TSPAN17: variants seen among roughly 807,000 people sequenced by gnomAD.
TSPAN17 encodes tetraspanin-17.
Under a neutral mutation model 40.5 loss-of-function variants are expected in TSPAN17, and 33 were observed. That is an observed-to-expected ratio of 0.81 (90% confidence interval 0.62 to 1.09). The LOEUF is 1.09. Ranked by LOEUF, TSPAN17 falls within the 50% of genes least tolerant of loss-of-function variation. TSPAN17 has a pLI of 0.00. For missense variants in TSPAN17, 365 were observed against 416.8 expected (o/e 0.88, Z 1.08); for synonymous variants, 166 against 169.4 (o/e 0.98, Z 0.15).
intron 5 of TSPAN17, 84 bp from the exon 6 acceptor site, chr5:176,655,993 AG>A (rs762476446): frequency 4.9e-4 from 634 of 1,300,804 alleles, no homozygotes; most frequent in Admixed American, 6.4e-4. Flanking sequence ...TCCTCTGAGA[AG>A]GAAAAGCCAC....
intron 7 of TSPAN17, 26 bp from the exon 8 acceptor site, chr5:176,656,869 C>T (rs1239065412): frequency 1.2e-6 from 2 of 1,614,220 alleles, no homozygotes; most frequent in South Asian, 1.1e-5. Flanking sequence ...CCCTCACTCT[C>T]CCCTCACCTG....
chr5:176,652,627 G>A (rs1464985470), intron 3 of TSPAN17, 116 bp from the exon 4 acceptor site: 7 of 929,398 alleles, frequency 7.5e-6, no homozygotes, highest in African/African-American at 1.7e-5. Flanking sequence ...GGCTCTGGGC[G>A]CCTCTGGGTC....
rs1049107890 is a variant in TSPAN17, at chr5:176,654,243, C to G, written c.457-652C>G. 3 of 153,006 alleles carry G rather than the reference C, an allele frequency of 2.0e-5. No homozygotes were observed. Among genetic ancestry groups the G allele is most frequent in the South Asian group, 2.1e-4 (1 of 4,842 alleles). The allele number at this position is 153,006 out of a possible 1,614,324, so 9.5% of individuals were successfully genotyped here. On this transcript the variant is annotated intron_variant, in intron 4 of 8. Transcript: ENST00000508164. This position sits in a 1 kb window ranked among gnomAD's most constrained non-coding sequence, Gnocchi z 4.3. ...CTGTGTCTGCTGCCGAGCTTGAGCT[C>G]CCCCAGCCCTGTGGGCTGCTCTCCA... is the stretch of plus-strand genomic sequence containing the variant.
chr5:176,656,883 T>C lies in TSPAN17; in HGVS notation c.748-12T>C, dbSNP rs1458363900. The C allele has an allele frequency of 6.2e-7, 1 of 1,614,196 alleles. No individual in the cohort carries two copies. The highest frequency in any genetic ancestry group is 8.5e-7 in the Non-Finnish European group (1 of 1,180,036). On this transcript the variant is annotated splice_polypyrimidine_tract_variant and intron_variant, in intron 7 of 8. Coordinates refer to ENST00000508164, the MANE Select transcript of TSPAN17 (RefSeq NM_130465.5). ...GCCCTCACTCTCCCCTCACCTGTCCTCTGTCTTACAGATCTTTGGCATCTG... is the reference window on the plus strand; with the variant it reads ...GCCCTCACTCTCCCCTCACCTGTCCCCTGTCTTACAGATCTTTGGCATCTG...
At chr5:176,656,239 G>A in intron 6 of TSPAN17, 114 bp downstream of exon 6, 2 of 1,172,184 alleles carry the variant, frequency 1.7e-6, no homozygotes, top group South Asian at 2.9e-5. Context: ...AGAGGGTGCT[G>A]AGTCCCAGGA....
chr5:176,657,890 A>G lies in TSPAN17; in HGVS notation c.*192A>G. 9.3e-7 allele frequency: 1 copy of G among 1,075,822 alleles called. No individual in the cohort carries two copies. The highest frequency in any genetic ancestry group is 1.3e-6 in the Non-Finnish European group (1 of 790,102). The allele number at this position is 1,075,822 out of a possible 1,614,324, so 66.6% of individuals were successfully genotyped here. ...GCTGGCCTCCCACCTCTGCAGGGTTATTCCCTGCACCTCGAGGCCGCTGCG... is the reference window on the plus strand; with the variant it reads ...GCTGGCCTCCCACCTCTGCAGGGTTGTTCCCTGCACCTCGAGGCCGCTGCG... On this transcript the variant is annotated 3_prime_UTR_variant, in exon 9 of 9. Coordinates refer to ENST00000508164, the MANE Select transcript of TSPAN17 (RefSeq NM_130465.5).
chr5:176,659,001 G>A lies in TSPAN17; in HGVS notation c.*1303G>A, dbSNP rs1394286185. ...GGCCAGTGTCCTGGGCCCCTGACAG[G>A]CGCTGGCTGTGAGTGGTTTGTACAT... On this transcript the variant is annotated 3_prime_UTR_variant, in exon 9 of 9. Transcript: ENST00000508164. 6.6e-6 allele frequency: 1 copy of A among 152,314 alleles called. No homozygotes were observed. The highest frequency in any genetic ancestry group is 6.5e-5 in the Admixed American group (1 of 15,292). 9.4% of individuals were successfully genotyped at this position (152,314 alleles called of 1,614,324 possible).
rs1367001811 is a variant in TSPAN17 at position 176,651,125 on chromosome 5, A to G, written c.88-491A>G. Reference sequence around the variant, plus strand: ...AAGCTGACTCTGGCAGGCGGAGGTTAAAGGGGTAGGATGGGGCTGGGCTGG... The same window carrying G: ...AAGCTGACTCTGGCAGGCGGAGGTTGAAGGGGTAGGATGGGGCTGGGCTGG... On this transcript the variant is annotated intron_variant, in intron 1 of 8. Coordinates refer to ENST00000508164, the MANE Select transcript of TSPAN17 (RefSeq NM_130465.5). This position sits in a 1 kb window ranked among gnomAD's most constrained non-coding sequence, Gnocchi z 4.5. 2.6e-5 allele frequency among the ~76,000 whole-genome samples: 4 copies of G among 152,114 alleles called. No individual in the cohort carries two copies. In the East Asian group the frequency reaches 7.7e-4, roughly 29 times the overall value.
At position 176,647,634 on chromosome 5, in the gene TSPAN17, C is replaced by G; in HGVS notation, c.19C>G (p.His7Asp). Residue 7 changes from histidine (H) to aspartate (D), a missense_variant, in exon 1 of 9, where the codon CAT (histidine) becomes GAT (aspartate). Coordinates refer to ENST00000508164, the MANE Select transcript of TSPAN17 (RefSeq NM_130465.5). MPGKHQ[H>D]FQEPEVGCCG... ...GCTCACCATGCCCGGCAAGCACCAGCATTTCCAGGAACCTGAGGTCGGCTG... is the reference window on the plus strand; with the variant it reads ...GCTCACCATGCCCGGCAAGCACCAGGATTTCCAGGAACCTGAGGTCGGCTG... 1.3e-6 allele frequency: 2 copies of G among 1,592,412 alleles called. No individual in the cohort carries two copies. The highest frequency in any genetic ancestry group is 1.7e-6 in the Non-Finnish European group (2 of 1,170,654).
chr5:176,651,933 C>T lies in TSPAN17; in HGVS notation c.285+33C>T, dbSNP rs772263369. The T allele has an allele frequency of 6.8e-6, 11 of 1,611,326 alleles. No individual in the cohort carries two copies. The highest frequency in any genetic ancestry group is 1.6e-4 in the Middle Eastern group (1 of 6,080). ...CTGCCCTCAAGATCCCCTGGGAACC[C>T]CCATCTCCTCCCATCCAGTTCTTGC... On this transcript the variant is annotated intron_variant, in intron 3 of 8. Transcript: ENST00000508164. This position sits in a 1 kb window ranked among gnomAD's most constrained non-coding sequence, Gnocchi z 4.5.
At chr5:176,657,385 A>C in intron 8 of TSPAN17, 133 bp from the exon 9 acceptor site, 2 of 1,453,874 alleles carry the variant, frequency 1.4e-6, no homozygotes, top group Non-Finnish European at 1.8e-6. Flanking sequence ...TGCCTGAGCC[A>C]CTGCCTCACA....
At chr5:176,648,395 GGGAAGGGA>G (rs1760829829) in intron 1 of TSPAN17, among the ~76,000 whole-genome samples, 1 of 152,216 alleles carries the variant, frequency 6.6e-6, no homozygotes, top group Non-Finnish European at 1.5e-5. Context: ...GCCCCTACCG[GGGAAGGGA>G]GCTACTAGTG....
chr5:176,655,096 G>A (rs1282123176), intron 5 of TSPAN17, 76 bp downstream of exon 5: 15 of 1,506,670 alleles, frequency 1.0e-5, no homozygotes, highest in East Asian at 2.5e-5. Flanking sequence ...ACAGGGCCCC[G>A]CTCCGCTCTG....
At position 176,652,843 on chromosome 5, in the gene TSPAN17, TCAACAA is replaced by T. The variant is rs1412993551; in HGVS notation, c.391_396del (p.Asn131_Asn132del). The T allele has an allele frequency of 6.2e-7, 1 of 1,614,188 alleles. No homozygotes were observed. The highest frequency in any genetic ancestry group is 8.5e-7 in the Non-Finnish European group (1 of 1,180,018). ...ATTCGAGACCAGCTCAACCTCTTCATCAACAACAACGTCAAGGCCTACCGGGACGAC... is the reference window on the plus strand; with the variant it reads ...ATTCGAGACCAGCTCAACCTCTTCATCAACGTCAAGGCCTACCGGGACGAC... On this transcript the variant is annotated inframe_deletion, in exon 4 of 9. Transcript: ENST00000508164.
intron 1 of TSPAN17, among the ~76,000 whole-genome samples, chr5:176,649,825 C>T (rs10214359): frequency 0.95 from 144,461 of 152,252 alleles, 69,021 homozygotes; most frequent in East Asian, 1. Flanking sequence ...TTGAACTAGA[C>T]GTGGTCTTGT....
intron 8 of TSPAN17, 35 bp from the exon 9 acceptor site, chr5:176,657,483 G>A: frequency 6.4e-7 from 1 of 1,553,284 alleles, no homozygotes; most frequent in Non-Finnish European, 8.7e-7. Flanking sequence ...TCTGAAATGG[G>A]TCCAAGAATT....
In TSPAN17 at chr5:176,651,138, G is replaced by GGGGCT. The variant is rs1270017842; in HGVS notation, c.88-469_88-465dup. Among the ~76,000 whole-genome samples, 2 of 152,190 alleles carry GGGGCT rather than the reference G, an allele frequency of 1.3e-5. No homozygotes were observed. Among genetic ancestry groups the GGGGCT allele is most frequent in the African/African-American group, 2.4e-5 (1 of 41,452 alleles). On this transcript the variant is annotated intron_variant, in intron 1 of 8. Transcript: ENST00000508164. This position sits in a 1 kb window ranked among gnomAD's most constrained non-coding sequence, Gnocchi z 4.5. ...CAGGCGGAGGTTAAAGGGGTAGGAT[G>GGGGCT]GGGCTGGGCTGGGGAGGAGTGTTGA...
chr5:176,655,146 A>C (rs1761105961), intron 5 of TSPAN17, 126 bp downstream of exon 5: 1 of 1,270,282 alleles, frequency 7.9e-7, no homozygotes, highest in African/African-American at 1.5e-5. Context: ...ACGTCATTTT[A>C]CATGGGTGGC....
rs1280208698 is a variant in TSPAN17 at position 176,647,520 on chromosome 5, CGGCTAG to C, written c.-94_-89del. On this transcript the variant is annotated 5_prime_UTR_variant, in exon 1 of 9. An upstream open reading frame in the 5' UTR loses its in-frame stop. Coordinates refer to ENST00000508164, the MANE Select transcript of TSPAN17 (RefSeq NM_130465.5). ...CCGAGGCCATGAAGCCGCAGCCGCCCGGCTAGGCCCCGGGCGGCTCTAGCCCAGGGC... is the reference window on the plus strand; with the variant it reads ...CCGAGGCCATGAAGCCGCAGCCGCCCGCCCCGGGCGGCTCTAGCCCAGGGC... 9.4e-6 allele frequency: 9 copies of C among 954,978 alleles called. No homozygotes were observed. The highest frequency in any genetic ancestry group is 9.8e-6 in the Non-Finnish European group (7 of 710,766). The allele number at this position is 954,978 out of a possible 1,614,324, so 59.2% of individuals were successfully genotyped here. A position where few individuals can be genotyped will look rare whatever the true frequency, so the allele number is the denominator to read the frequency against.
Sources: allele counts gnomAD v4.1 joint callset (sites outside exome capture counted in the v4.1 genomes callset), GRCh38; gene constraint gnomAD v4.1.1; non-coding constraint Gnocchi (gnomAD v3.1); transcripts MANE v1.5; gene names NCBI Gene and HGNC (gene_info 2026-07-23, HGNC 2026-07-21).